LEPR: variants seen among roughly 807,000 people sequenced by gnomAD.
LEPR encodes OB receptor.
In LEPR, 56 loss-of-function variants were observed where a neutral mutation model predicts 114.7. That is an observed-to-expected ratio of 0.49 (90% CI 0.39 to 0.61). The LOEUF is 0.61. Ranked by LOEUF, LEPR falls within the 20% of genes least tolerant of loss-of-function variation. LEPR has a pLI of 0.00. For missense variants in LEPR, 1,202 were observed against 1,352.9 expected (o/e 0.89, Z 1.75); for synonymous variants, 443 against 461.4 (o/e 0.96, Z 0.51).
chr1:65,529,014 C>T (rs948557145), intron 2 of LEPR, among the ~76,000 whole-genome samples: 25 of 150,966 alleles, frequency 1.7e-4, no homozygotes, highest in East Asian at 9.8e-4. Flanking sequence ...GGGGTTTCAC[C>T]GTGTTAGCCA....
At chr1:65,436,440 T>C (rs1001969810) in intron 2 of LEPR, among the ~76,000 whole-genome samples, 3 of 152,236 alleles carry the variant, frequency 2.0e-5, no homozygotes, top group Admixed American at 2.0e-4. Context: ...TACTAGTGGA[T>C]TTAGGCAGCC....
Position 65,640,246 on chromosome 1 carries a change from A to G in LEPR, c.*3231A>G, listed in dbSNP as rs1012943791. The G allele has an allele frequency of 1.3e-5, 2 of 152,218 alleles. No homozygotes were observed. The highest frequency in any genetic ancestry group is 2.1e-4 in the South Asian group (1 of 4,834). The allele number at this position is 152,218 out of a possible 1,614,324, so 9.4% of individuals were successfully genotyped here. A position where few individuals can be genotyped will look rare whatever the true frequency, so the allele number is the denominator to read the frequency against. On this transcript the variant is annotated 3_prime_UTR_variant, in exon 20 of 20. Coordinates refer to ENST00000349533, the MANE Select transcript of LEPR (RefSeq NM_002303.6). ...ACAGGGCTCACAGGCGGAGTTGGAC[A>G]ATATGCTGATGGATCAAGACATACT...
intron 2 of LEPR, among the ~76,000 whole-genome samples, chr1:65,549,179 CT>C (rs1652060520): frequency 6.6e-6 from 1 of 151,514 alleles, no homozygotes. Context: ...GTGAGATCCG[CT>C]GTTAGTCTGA....
chr1:65,544,678 T>A (rs533565344), intron 2 of LEPR, among the ~76,000 whole-genome samples: 2 of 144,126 alleles, frequency 1.4e-5, no homozygotes, highest in African/African-American at 5.3e-5. Flanking sequence ...AGGCCTTTTC[T>A]GCATCTATTG....
At chr1:65,462,099 G>A (rs1261656609) in intron 2 of LEPR, among the ~76,000 whole-genome samples, 1 of 152,098 alleles carries the variant, frequency 6.6e-6, no homozygotes, top group African/African-American at 2.4e-5. Flanking sequence ...CCATCAACTC[G>A]TCATTTACAT....
chr1:65,535,867 C>T (rs1031532764), intron 2 of LEPR, among the ~76,000 whole-genome samples: 1 of 152,128 alleles, frequency 6.6e-6, no homozygotes, highest in East Asian at 1.9e-4. Context: ...TTTATTAATA[C>T]TTACAATGTG....
At chr1:65,596,090 G>A (rs1037654054) in intron 6 of LEPR, among the ~76,000 whole-genome samples, 1 of 152,024 alleles carries the variant, frequency 6.6e-6, no homozygotes, top group Admixed American at 6.6e-5. Flanking sequence ...TAAAATAATT[G>A]AAGTGGGTGA....
intron 19 of LEPR, among the ~76,000 whole-genome samples, chr1:65,632,625 T>C (rs952561684): frequency 1.3e-5 from 2 of 152,172 alleles, no homozygotes; most frequent in Non-Finnish European, 1.5e-5. Context: ...CAGCCTCAAT[T>C]GCTTTGTCAG....
intron 2 of LEPR, chr1:65,432,899 T>C (rs1646506298): frequency 1.1e-6 from 1 of 892,666 alleles, no homozygotes; most frequent in South Asian, 5.1e-5. Flanking sequence ...TAAAACCGTA[T>C]TGTACCCTAT....
chr1:65,621,294 A>G, intron 17 of LEPR, 59 bp from the exon 18 acceptor site: 7 of 1,452,964 alleles, frequency 4.8e-6, no homozygotes, highest in Non-Finnish European at 6.7e-6. Flanking sequence ...TTTTTGATAC[A>G]GAAAGAAATT....
intron 2 of LEPR, among the ~76,000 whole-genome samples, chr1:65,547,969 A>T (rs960501694): frequency 4.0e-5 from 6 of 150,196 alleles, no homozygotes; most frequent in Non-Finnish European, 8.9e-5. Flanking sequence ...CTCTCTACAC[A>T]CTGCTTTGAA....
At chr1:65,469,681 G>A (rs980510150) in intron 2 of LEPR, among the ~76,000 whole-genome samples, 3 of 152,152 alleles carry the variant, frequency 2.0e-5, no homozygotes, top group African/African-American at 7.2e-5. Context: ...CTAACACTTA[G>A]CAAAACAGTG....
intron 19 of LEPR, among the ~76,000 whole-genome samples, chr1:65,631,242 T>C (rs17127832): frequency 0.22 from 34,079 of 152,008 alleles, 4,159 homozygotes; most frequent in South Asian, 0.33. Context: ...AGTTCTTACA[T>C]GGAGGCTCTT....
chr1:65,507,240 G>A (rs1372358611), intron 2 of LEPR, among the ~76,000 whole-genome samples: 3 of 151,772 alleles, frequency 2.0e-5, no homozygotes, highest in African/African-American at 7.3e-5. Context: ...TAGTAGAGAC[G>A]GGATTTCACC....
intron 5 of LEPR, among the ~76,000 whole-genome samples, chr1:65,586,452 A>C (rs535496539): frequency 6.6e-6 from 1 of 152,078 alleles, no homozygotes; most frequent in Admixed American, 6.6e-5. Context: ...TTTTTTCTTA[A>C]AGGGCCAAAT....
At chr1:65,437,886 T>C (rs1027199008) in intron 2 of LEPR, among the ~76,000 whole-genome samples, 12 of 74 alleles carry the variant, frequency 0.16, no homozygotes, top group East Asian at 0.43. Context: ...TATGGCTCAC[T>C]GCAAACCTTA....
intron 14 of LEPR, 99 bp from the exon 15 acceptor site, chr1:65,615,909 T>A: frequency 6.6e-7 from 1 of 1,513,878 alleles, no homozygotes; most frequent in Non-Finnish European, 9.0e-7. Flanking sequence ...ATCTGGCCCC[T>A]GCCTCCTAAT....
At chr1:65,456,438 G>C (rs78741666) in intron 2 of LEPR, among the ~76,000 whole-genome samples, 5,891 of 152,112 alleles carry the variant, frequency 0.039, 393 homozygotes, top group African/African-American at 0.14. Context: ...TACAATCATG[G>C]ATTCATCTAT....
At chr1:65,451,852 T>C (rs1477468734) in intron 2 of LEPR, among the ~76,000 whole-genome samples, 5 of 152,088 alleles carry the variant, frequency 3.3e-5, no homozygotes, top group Admixed American at 6.6e-5. Flanking sequence ...GCATTGAATC[T>C]GTAAATTACC....
Sources: allele counts gnomAD v4.1 joint callset (sites outside exome capture counted in the v4.1 genomes callset), GRCh38; gene constraint gnomAD v4.1.1; transcripts MANE v1.5; gene names NCBI Gene and HGNC (gene_info 2026-07-23, HGNC 2026-07-21).